DYNC1I2: variants seen among roughly 807,000 people sequenced by gnomAD.
The protein encoded by DYNC1I2 is cytoplasmic dynein 1 intermediate chain 2.
In DYNC1I2, 53 loss-of-function variants were observed where a neutral mutation model predicts 88.6. The observed-to-expected ratio is 0.60, with a 90% CI of 0.48 to 0.75. The LOEUF (loss-of-function observed/expected upper bound fraction) is 0.75. Among genes scored for constraint, DYNC1I2 ranks in the 30% least tolerant of loss-of-function variants. DYNC1I2 has a pLI of 0.00. For synonymous variants in DYNC1I2, 198 were observed against 254.6 expected (o/e 0.78, Z 2.12); for missense variants, 458 against 766.6 (o/e 0.60, Z 4.75).
rs1688356065 is a variant in DYNC1I2 at position 171,727,968 on chromosome 2, G to A, written c.1143+1G>A. The A allele has an allele frequency of 1.2e-6, 2 of 1,612,008 alleles. No homozygotes were observed. The highest frequency in any genetic ancestry group is 1.3e-5 in the African/African-American group (1 of 74,838). On this transcript the variant is annotated splice_donor_variant, in intron 12 of 17. Transcript: ENST00000397119. LOFTEE classifies it high-confidence loss of function. Reference sequence around the variant, plus strand: ...TCCACTGTCAGCAGCTGCACACACAGTAAGTAAATAAGGTTATTTCCATTA... The same window carrying A: ...TCCACTGTCAGCAGCTGCACACACAATAAGTAAATAAGGTTATTTCCATTA...
intron 3 of DYNC1I2, among the ~76,000 whole-genome samples, chr2:171,703,521 C>T (rs1686434604): frequency 6.6e-6 from 1 of 152,144 alleles, no homozygotes; most frequent in Non-Finnish European, 1.5e-5. Flanking sequence ...ACACATCACA[C>T]CCGAGCTAAA....
At chr2:171,713,903 A>G (rs935724213) in intron 6 of DYNC1I2, among the ~76,000 whole-genome samples, 2 of 152,036 alleles carry the variant, frequency 1.3e-5, no homozygotes, top group African/African-American at 4.8e-5. Flanking sequence ...TGGCTTTTGG[A>G]TAAGTGAGGT....
At chr2:171,747,710 T>C (rs1287580853) in intron 17 of DYNC1I2, 66 bp from the exon 18 acceptor site, 3 of 1,125,530 alleles carry the variant, frequency 2.7e-6, no homozygotes, top group Non-Finnish European at 2.5e-6. Context: ...GAAAACAAAC[T>C]GAATAATAGT....
chr2:171,721,375 C>A (rs1236077194), intron 7 of DYNC1I2, among the ~76,000 whole-genome samples: 2 of 152,182 alleles, frequency 1.3e-5, no homozygotes, highest in South Asian at 4.1e-4. Flanking sequence ...TTGATAGATT[C>A]ATGAAACTTT....
At chr2:171,717,881 CA>C (rs1687623650) in intron 7 of DYNC1I2, among the ~76,000 whole-genome samples, 1 of 151,340 alleles carries the variant, frequency 6.6e-6, no homozygotes, top group Non-Finnish European at 1.5e-5. Context: ...TGGATTTTTT[CA>C]AATATAAAGT....
chr2:171,738,874 C>T (rs185215583), intron 15 of DYNC1I2, among the ~76,000 whole-genome samples: 2 of 152,226 alleles, frequency 1.3e-5, no homozygotes, highest in Non-Finnish European at 2.9e-5. Context: ...CTCGGCCAGG[C>T]ATGGTGGCTC....
At chr2:171,692,957 G>T in intron 3 of DYNC1I2, 63 bp downstream of exon 3, 1 of 1,144,016 alleles carries the variant, frequency 8.7e-7, no homozygotes, top group Non-Finnish European at 1.3e-6. Flanking sequence ...CTCAGACATA[G>T]CTGAGTGGAT....
intron 3 of DYNC1I2, among the ~76,000 whole-genome samples, chr2:171,700,393 A>G (rs985294145): frequency 6.6e-6 from 1 of 152,254 alleles, no homozygotes; most frequent in African/African-American, 2.4e-5. Context: ...CACTAAGTCC[A>G]GCCCACATTC....
chr2:171,728,278 C>T (rs1574601745), intron 12 of DYNC1I2, 27 bp from the exon 13 acceptor site: 1 of 1,379,096 alleles, frequency 7.3e-7, no homozygotes. Flanking sequence ...TACAATAATC[C>T]CTGAAAACTT....
intron 15 of DYNC1I2, among the ~76,000 whole-genome samples, chr2:171,731,978 C>A (rs1416513794): frequency 2.0e-5 from 3 of 152,178 alleles, no homozygotes; most frequent in Non-Finnish European, 2.9e-5. Flanking sequence ...GTGCTCCTTA[C>A]AATTTTCACT....
At chr2:171,706,988 C>T in intron 4 of DYNC1I2, 1 of 494,676 alleles carries the variant, frequency 2.0e-6, no homozygotes, top group South Asian at 2.6e-5. Flanking sequence ...TTAGTGGCCA[C>T]ATTTGGTGAT....
At chr2:171,712,901 T>C in intron 6 of DYNC1I2, 75 bp downstream of exon 6, 1 of 1,320,480 alleles carries the variant, frequency 7.6e-7, no homozygotes. Flanking sequence ...AATTTTATTT[T>C]GCTTAAGTTT....
chr2:171,729,797 T>A lies in DYNC1I2; in HGVS notation c.1480T>A (p.Ser494Thr). Reference sequence around the variant, plus strand: ...TGCAGCTGTTGGAGCAGTAGACTTCTCACATCTTTTTGTCACTTCATCGTT... The same window carrying A: ...TGCAGCTGTTGGAGCAGTAGACTTCACACATCTTTTTGTCACTTCATCGTT... Reference protein sequence around the residue: ...CHAAVGAVDFSHLFVTSSFDW... With the variant: ...CHAAVGAVDFTHLFVTSSFDW... The change falls in exon 15 of 18, where the codon TCA (serine) becomes ACA (threonine). Residue 494 changes from serine (S) to threonine (T), a missense_variant. Around this residue, in one of 5 missense-constraint regions of DYNC1I2, gnomAD observed 188 missense variants for 300.4 expected, o/e 0.63. Coordinates refer to ENST00000397119, the MANE Select transcript of DYNC1I2 (RefSeq NM_001378.3). 1 of 1,613,840 alleles carries A rather than the reference T, an allele frequency of 6.2e-7. No homozygotes were observed. The highest frequency in any genetic ancestry group is 8.5e-7 in the Non-Finnish European group (1 of 1,179,784).
At chr2:171,731,178 G>A (rs1280892705) in intron 15 of DYNC1I2, among the ~76,000 whole-genome samples, 1 of 152,112 alleles carries the variant, frequency 6.6e-6, no homozygotes, top group African/African-American at 2.4e-5. Flanking sequence ...TCCTTTCTTG[G>A]ATTGTTCTTG....
intron 3 of DYNC1I2, among the ~76,000 whole-genome samples, chr2:171,699,831 G>T (rs376706260): frequency 2.0e-5 from 3 of 151,776 alleles, no homozygotes; most frequent in East Asian, 3.9e-4. Context: ...TGTATAGATG[G>T]GGTCTCGCTA....
rs1167337802 is a variant in DYNC1I2 at position 171,748,282 on chromosome 2, A to G, written c.*393A>G. On this transcript the variant is annotated 3_prime_UTR_variant, in exon 18 of 18. Transcript: ENST00000397119. The stretch of plus-strand genomic sequence containing the variant: ...TATACAGATAATGTTCTCACTACCC[A>G]TAATATGTAGGAACATTGTTTCTCC... 2 of 156,184 alleles carry G rather than the reference A, an allele frequency of 1.3e-5. No individual in the cohort carries two copies. Among genetic ancestry groups the G allele is most frequent in the African/African-American group, 4.8e-5 (2 of 41,266 alleles). The allele number at this position is 156,184 out of a possible 1,614,324, so 9.7% of individuals were successfully genotyped here.
chr2:171,691,965 A>G (rs981907600), intron 2 of DYNC1I2, among the ~76,000 whole-genome samples: 3 of 152,156 alleles, frequency 2.0e-5, no homozygotes, highest in Non-Finnish European at 4.4e-5. Flanking sequence ...CTGTTTTGTT[A>G]TTTTGATTAA....
chr2:171,721,990 G>A (rs1687933858), intron 7 of DYNC1I2, among the ~76,000 whole-genome samples: 1 of 152,102 alleles, frequency 6.6e-6, no homozygotes, highest in South Asian at 2.1e-4. Flanking sequence ...ATAATTCAGA[G>A]TATGCTTTGT....
intron 15 of DYNC1I2, among the ~76,000 whole-genome samples, chr2:171,735,970 G>T (rs1688976765): frequency 6.6e-6 from 1 of 152,140 alleles, no homozygotes; most frequent in African/African-American, 2.4e-5. Flanking sequence ...GGAAGGGGGA[G>T]TTTTCACACT....
Sources: allele counts gnomAD v4.1 joint callset (sites outside exome capture counted in the v4.1 genomes callset), GRCh38; gene constraint gnomAD v4.1.1; regional missense constraint gnomAD v4.1.1; transcripts MANE v1.5; gene names NCBI Gene and HGNC (gene_info 2026-07-23, HGNC 2026-07-21).